SETBP1: variants seen among roughly 807,000 people sequenced by gnomAD.
SETBP1 encodes the protein SET binding protein 1, also known as SET-binding protein.
SETBP1 carries 9 observed loss-of-function variants against 101.0 expected under a neutral mutation model. The ratio of observed to expected loss-of-function variants is 0.09; its 90% CI spans 0.05 to 0.16. SETBP1 has a LOEUF of 0.16. Ranked by LOEUF, SETBP1 falls within the 10% of genes least tolerant of loss-of-function variation. SETBP1 has a pLI of 1.00. For missense variants in SETBP1, 1,858 were observed against 2,033.8 expected, an observed-to-expected ratio of 0.91 and a Z score of 1.66; for synonymous variants, 818 against 788.5, an observed-to-expected ratio of 1.04 and a Z score of -0.63.
At chr18:44,932,412 G>A (rs2070858236) in intron 3 of SETBP1, among the ~76,000 whole-genome samples, 1 of 152,142 alleles carries the variant, frequency 6.6e-6, no homozygotes, top group African/African-American at 2.4e-5. Flanking sequence ...TGACAATTAT[G>A]TGTCTTGGAG....
intron 2 of SETBP1, among the ~76,000 whole-genome samples, chr18:44,804,313 C>T (rs1197681299): frequency 6.6e-6 from 1 of 152,036 alleles, no homozygotes; most frequent in East Asian, 1.9e-4. Flanking sequence ...CGATTTTGAC[C>T]AAAATGTTAT....
chr18:44,854,332 G>T (rs2072930893), intron 2 of SETBP1, among the ~76,000 whole-genome samples: 1 of 152,140 alleles, frequency 6.6e-6, no homozygotes, highest in Non-Finnish European at 1.5e-5. Flanking sequence ...GTTTATCTGG[G>T]ATTTACTCAG....
At chr18:45,038,109 G>A (rs1211309423) in intron 4 of SETBP1, among the ~76,000 whole-genome samples, 2 of 152,036 alleles carry the variant, frequency 1.3e-5, no homozygotes, top group Non-Finnish European at 2.9e-5. Context: ...AGTCTTACTA[G>A]GGTGGGAGCC....
chr18:44,911,491 T>C (rs1268266107), intron 3 of SETBP1, among the ~76,000 whole-genome samples: 4 of 152,178 alleles, frequency 2.6e-5, no homozygotes, highest in African/African-American at 7.2e-5. Flanking sequence ...GCGTTCACAT[T>C]AGAACCCAAA....
intron 2 of SETBP1, 56 bp downstream of exon 2, chr18:44,701,888 A>G (rs1454365419): frequency 2.6e-5 from 41 of 1,582,994 alleles, no homozygotes; most frequent in Non-Finnish European, 3.5e-5. Context: ...TTGCCATTTT[A>G]TCCTCAACTT....
intron 2 of SETBP1, among the ~76,000 whole-genome samples, chr18:44,778,587 A>T (rs2071056328): frequency 6.6e-6 from 1 of 152,234 alleles, no homozygotes; most frequent in Non-Finnish European, 1.5e-5. Context: ...GTCAAAATGT[A>T]ATTTTCTTAA....
In SETBP1 at chr18:44,779,036, G is replaced by A. The variant is rs192592602; in HGVS notation, c.486+77204G>A. Among the ~76,000 whole-genome samples, 41 of 152,300 alleles carry A rather than the reference G, an allele frequency of 2.7e-4. 1 individual carries two copies. The highest frequency in any genetic ancestry group is 6.5e-4 in the African/African-American group (27 of 41,562). On this transcript the variant is annotated intron_variant, in intron 2 of 5. Coordinates refer to ENST00000649279, the MANE Select transcript of SETBP1 (RefSeq NM_015559.3). ...ATGGTTGGAGCAGCCTCTGGCCACCGCCGTGTGTTGATTTTGTAGTGAGAT... is the reference window on the plus strand; with the variant it reads ...ATGGTTGGAGCAGCCTCTGGCCACCACCGTGTGTTGATTTTGTAGTGAGAT...
At chr18:44,853,946 C>A (rs1302322676) in intron 2 of SETBP1, among the ~76,000 whole-genome samples, 1 of 152,170 alleles carries the variant, frequency 6.6e-6, no homozygotes, top group Non-Finnish European at 1.5e-5. Context: ...GGAAAGCCTT[C>A]CTTGACCACT....
intron 2 of SETBP1, among the ~76,000 whole-genome samples, chr18:44,821,535 G>A (rs9954491): frequency 0.027 from 4,157 of 152,266 alleles, 196 homozygotes; most frequent in African/African-American, 0.094. Flanking sequence ...CTGGACCCAT[G>A]CCTCTTTAGG....
chr18:44,753,704 G>T (rs2070435651), intron 2 of SETBP1, among the ~76,000 whole-genome samples: 2 of 152,240 alleles, frequency 1.3e-5, no homozygotes, highest in Non-Finnish European at 2.9e-5. Context: ...GTTGACATGG[G>T]TGGAAATCAA....
At chr18:44,956,682 A>G (rs2071489930) in intron 4 of SETBP1, among the ~76,000 whole-genome samples, 1 of 152,248 alleles carries the variant, frequency 6.6e-6, no homozygotes, top group Non-Finnish European at 1.5e-5. Context: ...CAGAGTCAAG[A>G]GAAGGCTTTG....
At chr18:45,001,794 A>T (rs1168463371) in intron 4 of SETBP1, among the ~76,000 whole-genome samples, 1 of 151,970 alleles carries the variant, frequency 6.6e-6, no homozygotes, top group Non-Finnish European at 1.5e-5. Context: ...AAGACCTTAG[A>T]CCCCTAAATC....
At chr18:44,857,716 C>A (rs976148228) in intron 2 of SETBP1, among the ~76,000 whole-genome samples, 1 of 152,094 alleles carries the variant, frequency 6.6e-6, no homozygotes, top group African/African-American at 2.4e-5. Context: ...ACTGAATCAG[C>A]CAGAAATTCT....
chr18:45,002,406 A>G (rs1193528342), intron 4 of SETBP1, among the ~76,000 whole-genome samples: 1 of 152,012 alleles, frequency 6.6e-6, no homozygotes, highest in Non-Finnish European at 1.5e-5. Context: ...TGTTTTTACA[A>G]CACAGGCCTG....
At chr18:44,834,014 G>T (rs1370149360) in intron 2 of SETBP1, among the ~76,000 whole-genome samples, 1 of 152,188 alleles carries the variant, frequency 6.6e-6, no homozygotes, top group Non-Finnish European at 1.5e-5. Context: ...TGAAAAGAAG[G>T]TTTGTGGAAG....
intron 2 of SETBP1, among the ~76,000 whole-genome samples, chr18:44,710,866 G>A (rs975619885): frequency 4.6e-5 from 7 of 152,202 alleles, no homozygotes; most frequent in African/African-American, 1.7e-4. Flanking sequence ...TGACTTGGAA[G>A]GTTGGCACTA....
intron 2 of SETBP1, among the ~76,000 whole-genome samples, chr18:44,847,711 T>C (rs2072752336): frequency 6.6e-6 from 1 of 151,880 alleles, no homozygotes; most frequent in Admixed American, 6.6e-5. Flanking sequence ...GGGACTGGGG[T>C]AGGAGAAGGG....
At chr18:45,000,150 T>A (rs1220932153) in intron 4 of SETBP1, among the ~76,000 whole-genome samples, 2 of 152,264 alleles carry the variant, frequency 1.3e-5, no homozygotes, top group Non-Finnish European at 1.5e-5. Context: ...AAGAGGGATA[T>A]GATTTGGCAT....
chr18:44,736,838 G>GAA (rs557709263), intron 2 of SETBP1, among the ~76,000 whole-genome samples: 4 of 152,150 alleles, frequency 2.6e-5, no homozygotes, highest in Non-Finnish European at 5.9e-5. Context: ...GGTATTGCTG[G>GAA]AAAGGGAGTT....
Sources: gnomAD v4.1 joint callset for allele counts (sites outside exome capture counted in the v4.1 genomes callset) on GRCh38, gnomAD v4.1.1 for gene constraint, MANE v1.5 for transcripts, NCBI Gene and HGNC (gene_info 2026-07-23, HGNC 2026-07-21) for gene names.